Variants in SYNE1 observed in about 807,000 individuals in gnomAD.
SYNE1 encodes the protein nesprin-1.
Under a neutral mutation model 1,111.0 loss-of-function variants are expected in SYNE1, and 616 were observed. The observed-to-expected ratio is 0.55, with a 90% CI of 0.52 to 0.59. SYNE1 has a LOEUF of 0.59. Among genes scored for constraint, SYNE1 ranks in the 20% least tolerant of loss-of-function variants. The pLI is 0.00. For synonymous variants in SYNE1, 3,855 were observed against 3,825.8 expected, an observed-to-expected ratio of 1.01 and a Z score of -0.28; for missense variants, 10,006 against 10,417.0, an observed-to-expected ratio of 0.96 and a Z score of 1.72.
At chr6:152,157,629 G>C (rs1375399704) in intron 131 of SYNE1, among the ~76,000 whole-genome samples, 2 of 152,108 alleles carry the variant, frequency 1.3e-5, no homozygotes, top group African/African-American at 2.4e-5. Flanking sequence ...CAAATACCCT[G>C]ACTTGATCAT....
chr6:152,569,520 G>T (rs1383728839), intron 3 of SYNE1, among the ~76,000 whole-genome samples: 2 of 152,026 alleles, frequency 1.3e-5, no homozygotes, highest in East Asian at 3.9e-4. Context: ...GAAGAGAAAA[G>T]ACCATATTTT....
chr6:152,448,442 T>G (rs2098612954), intron 28 of SYNE1, among the ~76,000 whole-genome samples: 1 of 152,204 alleles, frequency 6.6e-6, no homozygotes, highest in South Asian at 2.1e-4. Flanking sequence ...GATGTGAATT[T>G]TTTTTTGTGC....
chr6:152,302,244 C>G (rs1287809174), intron 91 of SYNE1, 181 bp from the exon 92 acceptor site: 2 of 808,362 alleles, frequency 2.5e-6, no homozygotes, highest in Non-Finnish European at 4.0e-6. Context: ...GCAGGCTGCG[C>G]GGCGCGGCGC....
intron 98 of SYNE1, among the ~76,000 whole-genome samples, chr6:152,269,801 AT>A (rs1657388843): frequency 6.6e-6 from 1 of 152,200 alleles, no homozygotes; most frequent in African/African-American, 2.4e-5. Flanking sequence ...AATCAAAGAC[AT>A]TTTAATGTCT....
chr6:152,403,469 C>T (rs1391325215), intron 46 of SYNE1, among the ~76,000 whole-genome samples: 2 of 152,154 alleles, frequency 1.3e-5, no homozygotes, highest in Non-Finnish European at 2.9e-5. Context: ...ACCTGTAATC[C>T]CAGCACTTTG....
rs144762960 is a variant in SYNE1 at position 152,249,225 on chromosome 6, T to C, written c.19508A>G (p.Asn6503Ser). Residue 6503 changes from asparagine (N) to serine (S), a missense_variant, in exon 105 of 146, where the codon AAC becomes AGC. Physicochemically the swap from Asn to Ser is conservative, Grantham distance 46. This residue lies in a region of SYNE1 where 2,182 missense variants were observed against 2,287.8 expected (regional missense o/e 0.95). Coordinates refer to ENST00000367255, the MANE Select transcript of SYNE1 (RefSeq NM_182961.4). The part of the protein sequence containing the change: ...LKVLFTSLAD[N>S]KYIILQKLAN... ...CAGTTTTTGCAGAATGATGTATTTG[T>C]TGTCAGCCAGTGATGTAAACAGCAC... The C allele has an allele frequency of 3.4e-4, 555 of 1,614,084 alleles. No homozygotes were observed. The African/African-American group carries it at 6.6e-3, about 19-fold the overall frequency.
chr6:152,217,095 CTT>C (rs35171400), intron 121 of SYNE1, among the ~76,000 whole-genome samples: 33 of 116,672 alleles, frequency 2.8e-4, no homozygotes, highest in Middle Eastern at 5.4e-3. Flanking sequence ...TAAGTAAAAC[CTT>C]TTTTTTTTTT....
At position 152,367,484 on chromosome 6, in the gene SYNE1, C is replaced by T. The variant is rs541955059; in HGVS notation, c.9808-102G>A. ...AAAGGCAATCAGTCATGGCTTCATA[C>T]GCTGCACAGATACGAGGCAAGTCTG... On this transcript the variant is annotated intron_variant, in intron 61 of 145. Transcript: ENST00000367255. The T allele has an allele frequency of 1.5e-3, 2,040 of 1,353,782 alleles. 3 individuals carry two copies. Among genetic ancestry groups the T allele is most frequent in the African/African-American group, 1.8e-3 (129 of 70,158 alleles). The allele number at this position is 1,353,782 out of a possible 1,614,324, so 83.9% of individuals were successfully genotyped here.
chr6:152,514,665 A>G (rs983429887), intron 6 of SYNE1, among the ~76,000 whole-genome samples: 1 of 152,030 alleles, frequency 6.6e-6, no homozygotes, highest in Non-Finnish European at 1.5e-5. Context: ...TACCAAAAAA[A>G]AAAAAAATGA....
intron 3 of SYNE1, among the ~76,000 whole-genome samples, chr6:152,571,352 G>C (rs1317241193): frequency 6.6e-6 from 1 of 152,012 alleles, no homozygotes. Context: ...CTTCAGAAAA[G>C]GAAAATCAAG....
chr6:152,375,861 A>G (rs2097271216), intron 58 of SYNE1, among the ~76,000 whole-genome samples: 1 of 152,238 alleles, frequency 6.6e-6, no homozygotes, highest in Non-Finnish European at 1.5e-5. Context: ...ATATAAATGA[A>G]CTGGTTCCTC....
At chr6:152,603,994 C>G (rs1288674814) in intron 3 of SYNE1, among the ~76,000 whole-genome samples, 1 of 145,932 alleles carries the variant, frequency 6.9e-6, no homozygotes, top group East Asian at 2.0e-4. Flanking sequence ...GTATCTATAT[C>G]TGTATATATA....
At chr6:152,446,896 A>C (rs1012404729) in intron 29 of SYNE1, among the ~76,000 whole-genome samples, 1 of 152,192 alleles carries the variant, frequency 6.6e-6, no homozygotes, top group South Asian at 2.1e-4. Flanking sequence ...TAAACACTGA[A>C]TATTTTATTA....
intron 62 of SYNE1, among the ~76,000 whole-genome samples, chr6:152,366,325 T>TC (rs916590302): frequency 1.3e-5 from 2 of 151,468 alleles, no homozygotes; most frequent in African/African-American, 4.9e-5. Context: ...AGAGCAAAAC[T>TC]CCGTCTAAAA....
intron 16 of SYNE1, among the ~76,000 whole-genome samples, chr6:152,471,031 A>C (rs77037637): frequency 0.058 from 8,836 of 152,232 alleles, 300 homozygotes; most frequent in Non-Finnish European, 0.068. Context: ...GATAGCCCAA[A>C]ATGTGAGATA....
At chr6:152,365,891 T>C (rs2097067447) in intron 62 of SYNE1, among the ~76,000 whole-genome samples, 1 of 152,228 alleles carries the variant, frequency 6.6e-6, no homozygotes. Flanking sequence ...CACCAGTTTC[T>C]GCTGTGGCAA....
chr6:152,409,793 C>G (rs879441741), intron 42 of SYNE1, 84 bp from the exon 43 acceptor site: 15 of 1,440,988 alleles, frequency 1.0e-5, no homozygotes, highest in Non-Finnish European at 1.3e-5. Context: ...TGATGTTTCA[C>G]TACGTAAAGG....
At chr6:152,369,425 G>A in intron 60 of SYNE1, 46 bp downstream of exon 60, 1 of 1,613,816 alleles carries the variant, frequency 6.2e-7, no homozygotes, top group Non-Finnish European at 8.5e-7. Flanking sequence ...ACAGAGGACG[G>A]ACAAAGACTA....
In SYNE1 at chr6:152,330,923, C is replaced by T. The variant is rs2096233005; in HGVS notation, c.13762G>A (p.Glu4588Lys). 6.2e-7 allele frequency: 1 copy of T among 1,613,998 alleles called. No homozygotes were observed. Among genetic ancestry groups the T allele is most frequent in the Non-Finnish European group, 8.5e-7 (1 of 1,179,980 alleles). ...LKQADIVTFPEINLMNESSEL... is the reference protein window; with the variant it reads ...LKQADIVTFPKINLMNESSEL... ...GAACTCTCATTCATTAGGTTGATTT[C>T]AGGAAATGTAACAATATCTGCTTGT... The change falls in exon 78 of 146, where the codon GAA becomes AAA. Residue 4588 changes from glutamate to lysine, a missense_variant. Coordinates refer to ENST00000367255, the MANE Select transcript of SYNE1 (RefSeq NM_182961.4).
Sources: gnomAD v4.1 joint callset for allele counts (sites outside exome capture counted in the v4.1 genomes callset) on GRCh38, gnomAD v4.1.1 for gene constraint, gnomAD v4.1.1 regional missense constraint, MANE v1.5 for transcripts, NCBI Gene and HGNC (gene_info 2026-07-23, HGNC 2026-07-21) for gene names.